Variants in SEPTIN14 observed in about 807,000 individuals in gnomAD.
The protein encoded by SEPTIN14 is septin-14.
SEPTIN14 carries 40 observed loss-of-function variants against 53.6 expected under a neutral mutation model. That is an observed-to-expected ratio of 0.75 (90% CI 0.58 to 0.97). The LOEUF (loss-of-function observed/expected upper bound fraction) is 0.97. Among genes scored for constraint, SEPTIN14 ranks in the 50% least tolerant of loss-of-function variants. The probability of loss-of-function intolerance (pLI) is 0.00; values close to 1 mark genes in which losing one functional copy is unlikely to be tolerated. For synonymous variants in SEPTIN14, 138 were observed against 166.8 expected (o/e 0.83, Z 1.33); for missense variants, 471 against 508.2 (o/e 0.93, Z 0.70).
intron 9 of SEPTIN14, among the ~76,000 whole-genome samples, chr7:55,796,774 T>C (rs780151567): frequency 2.0e-5 from 3 of 151,666 alleles, no homozygotes; most frequent in African/African-American, 7.3e-5. Flanking sequence ...ATCTGTAAAA[T>C]TGAATATAGA....
At chr7:55,809,558 T>C (rs561446368) in intron 7 of SEPTIN14, among the ~76,000 whole-genome samples, 5 of 151,788 alleles carry the variant, frequency 3.3e-5, no homozygotes, top group African/African-American at 9.7e-5. Context: ...GGTTTTGCCA[T>C]GTTGGTCAGG....
At chr7:55,847,758 C>T (rs1228992657) in intron 2 of SEPTIN14, among the ~76,000 whole-genome samples, 1 of 152,116 alleles carries the variant, frequency 6.6e-6, no homozygotes, top group African/African-American at 2.4e-5. Flanking sequence ...TTGTTATATA[C>T]CCTCTGAGGA....
intron 6 of SEPTIN14, among the ~76,000 whole-genome samples, chr7:55,825,541 T>C (rs1788967617): frequency 6.6e-6 from 1 of 152,156 alleles, no homozygotes; most frequent in Admixed American, 6.6e-5. Flanking sequence ...GTGTAACAAA[T>C]GCACCACACT....
intron 9 of SEPTIN14, among the ~76,000 whole-genome samples, chr7:55,799,719 T>C (rs1286251068): frequency 6.6e-6 from 1 of 151,986 alleles, no homozygotes; most frequent in Non-Finnish European, 1.5e-5. Context: ...TATGACAACA[T>C]TGGAGCACCT....
In SEPTIN14 at chr7:55,795,560, G is replaced by A. The variant is rs1296718102; in HGVS notation, c.*353C>T. On this transcript the variant is annotated 3_prime_UTR_variant, in exon 10 of 10. Coordinates refer to ENST00000388975, the MANE Select transcript of SEPTIN14 (RefSeq NM_207366.3). ...TTGGCTCACTGCAACCTCCACCTCC[G>A]GGGTTCAAGTGATTCTCCTGCCTCA... 4.1e-5 allele frequency: 10 copies of A among 245,448 alleles called. No homozygotes were observed. The highest frequency in any genetic ancestry group is 5.5e-5 in the Non-Finnish European group (7 of 126,802). The allele number at this position is 245,448 out of a possible 1,614,324, so 15.2% of individuals were successfully genotyped here.
At chr7:55,841,812 G>A (rs112814534) in intron 5 of SEPTIN14, among the ~76,000 whole-genome samples, 6,009 of 142,794 alleles carry the variant, frequency 0.042, 152 homozygotes, top group Admixed American at 0.067. Flanking sequence ...CCCAGATCAC[G>A]CCATTGCACT....
rs532902093 is a variant in SEPTIN14 at position 55,796,388 on chromosome 7, G to A, written c.1120-296C>T. 8.6e-5 allele frequency among the ~76,000 whole-genome samples: 13 copies of A among 151,988 alleles called. 1 individual carries two copies. The East Asian group carries it at 1.9e-3, about 23-fold the overall frequency. On this transcript the variant is annotated intron_variant, in intron 9 of 9. Coordinates refer to ENST00000388975, the MANE Select transcript of SEPTIN14 (RefSeq NM_207366.3). ...AGTGATTCTCCTGCCTTAGCCTCCC[G>A]AGAAGCTGGGACTACAGGCATGCAC... is the stretch of plus-strand genomic sequence containing the variant.
At chr7:55,834,307 C>T (rs1159566221) in intron 6 of SEPTIN14, 118 bp downstream of exon 6, 2 of 660,074 alleles carry the variant, frequency 3.0e-6, no homozygotes, top group African/African-American at 3.7e-5. Context: ...AATCTGTTTA[C>T]AAAGAATCGA....
chr7:55,827,138 C>T (rs1449844943), intron 6 of SEPTIN14, among the ~76,000 whole-genome samples: 1 of 152,184 alleles, frequency 6.6e-6, no homozygotes, highest in Non-Finnish European at 1.5e-5. Context: ...AAATGGCTAG[C>T]CCAGTACACC....
At position 55,807,289 on chromosome 7, in the gene SEPTIN14, A is replaced by G. The variant is rs756480608; in HGVS notation, c.818-31T>C. 2.1e-6 allele frequency: 3 copies of G among 1,419,772 alleles called. No homozygotes were observed. In the African/African-American group the frequency reaches 4.3e-5, roughly 20 times the overall value. 87.9% of individuals were successfully genotyped at this position (1,419,772 alleles called of 1,614,324 possible). Reference sequence around the variant, plus strand: ...AAAAAAATAATAATGAATCAACAACATTCAGTATCAATCCCTGACAATCAG... The same window carrying G: ...AAAAAAATAATAATGAATCAACAACGTTCAGTATCAATCCCTGACAATCAG... On this transcript the variant is annotated intron_variant, in intron 7 of 9. Coordinates refer to ENST00000388975, the MANE Select transcript of SEPTIN14 (RefSeq NM_207366.3).
intron 5 of SEPTIN14, among the ~76,000 whole-genome samples, chr7:55,841,281 A>G (rs1030120211): frequency 2.0e-5 from 3 of 152,142 alleles, no homozygotes; most frequent in Admixed American, 1.3e-4. Context: ...CATATATTGA[A>G]TATTAGTGAG....
intron 9 of SEPTIN14, among the ~76,000 whole-genome samples, chr7:55,797,658 G>A (rs1293121597): frequency 1.3e-5 from 2 of 152,176 alleles, no homozygotes; most frequent in Non-Finnish European, 1.5e-5. Flanking sequence ...ATGCTTAAGG[G>A]AGTTTTTCAA....
chr7:55,821,222 T>C (rs1456338044), intron 6 of SEPTIN14, among the ~76,000 whole-genome samples: 1 of 152,070 alleles, frequency 6.6e-6, no homozygotes, highest in Admixed American at 6.6e-5. Context: ...ACAGAGAAGA[T>C]GGGGGCCCTG....
intron 2 of SEPTIN14, among the ~76,000 whole-genome samples, chr7:55,859,918 G>A (rs1217060281): frequency 2.6e-5 from 4 of 152,146 alleles, no homozygotes; most frequent in East Asian, 1.9e-4. Flanking sequence ...GATGGCTCAC[G>A]CCTGTAATCC....
intron 8 of SEPTIN14, among the ~76,000 whole-genome samples, chr7:55,806,707 C>T (rs1001134613): frequency 1.3e-5 from 2 of 152,012 alleles, no homozygotes; most frequent in African/African-American, 4.8e-5. Flanking sequence ...AGATGATCCG[C>T]CCGCCTCAGC....
At chr7:55,830,137 C>G (rs1327518088) in intron 6 of SEPTIN14, among the ~76,000 whole-genome samples, 2 of 146,934 alleles carry the variant, frequency 1.4e-5, no homozygotes, top group African/African-American at 5.0e-5. Flanking sequence ...GAGATCGCAC[C>G]GCTGCACTCC....
At chr7:55,847,469 A>G (rs533670868) in intron 2 of SEPTIN14, among the ~76,000 whole-genome samples, 5 of 152,306 alleles carry the variant, frequency 3.3e-5, no homozygotes, top group African/African-American at 4.8e-5. Flanking sequence ...CATTTAACAC[A>G]CATAACAAAA....
intron 2 of SEPTIN14, among the ~76,000 whole-genome samples, chr7:55,857,738 C>T (rs985249317): frequency 2.6e-5 from 4 of 151,080 alleles, no homozygotes; most frequent in African/African-American, 9.8e-5. Context: ...CAGGCGCCCG[C>T]CACCACGCCC....
intron 6 of SEPTIN14, among the ~76,000 whole-genome samples, chr7:55,826,079 C>T (rs1334984230): frequency 2.7e-5 from 4 of 149,388 alleles, no homozygotes; most frequent in Non-Finnish European, 4.4e-5. Flanking sequence ...TCCAGCCTGG[C>T]GACAGAGTGA....
Sources: gnomAD v4.1 joint callset for allele counts (sites outside exome capture counted in the v4.1 genomes callset) on GRCh38, gnomAD v4.1.1 for gene constraint, MANE v1.5 for transcripts, NCBI Gene and HGNC (gene_info 2026-07-23, HGNC 2026-07-21) for gene names.